Variants in GPR158 observed in about 807,000 individuals in gnomAD.
GPR158 encodes G protein-coupled receptor 158, also known as metabotropic glycine receptor.
A neutral mutation model predicts 78.2 loss-of-function variants in GPR158; 30 were observed. The ratio of observed to expected loss-of-function variants is 0.38; its 90% CI spans 0.29 to 0.52. The LOEUF (loss-of-function observed/expected upper bound fraction) is 0.52, where lower values mean the gene tolerates loss of function less well. Among genes scored for constraint, GPR158 ranks in the 20% least tolerant of loss-of-function variants. The probability of loss-of-function intolerance (pLI) is 0.83; values close to 1 mark genes in which losing one functional copy is unlikely to be tolerated. For missense variants in GPR158, 1,463 were observed against 1,523.5 expected, an observed-to-expected ratio of 0.96 and a Z score of 0.66; for synonymous variants, 581 against 591.1, an observed-to-expected ratio of 0.98 and a Z score of 0.25.
intron 2 of GPR158, among the ~76,000 whole-genome samples, chr10:25,395,117 A>G (rs997406175): frequency 6.6e-6 from 1 of 152,148 alleles, no homozygotes; most frequent in African/African-American, 2.4e-5. Context: ...TAAATGTAGC[A>G]AAAATGAAGT....
chr10:25,382,842 A>AT (rs1417355662), intron 2 of GPR158, among the ~76,000 whole-genome samples: 4 of 151,714 alleles, frequency 2.6e-5, no homozygotes, highest in African/African-American at 7.3e-5. Flanking sequence ...TTATTTATTT[A>AT]TTTTTTTGAG....
intron 1 of GPR158, among the ~76,000 whole-genome samples, chr10:25,189,039 A>G (rs1422567486): frequency 6.6e-6 from 1 of 152,254 alleles, no homozygotes; most frequent in African/African-American, 2.4e-5. Context: ...AAAAATGTTC[A>G]TCATCACTGG....
intron 2 of GPR158, among the ~76,000 whole-genome samples, chr10:25,296,779 A>G (rs1854521484): frequency 6.6e-6 from 1 of 152,224 alleles, no homozygotes; most frequent in African/African-American, 2.4e-5. Flanking sequence ...GGAAAGTGAC[A>G]CAGAGGGGCC....
chr10:25,479,183 T>C (rs78918204), intron 5 of GPR158, among the ~76,000 whole-genome samples: 9,848 of 152,194 alleles, frequency 0.065, 382 homozygotes, highest in South Asian at 0.15. Context: ...ATAAGCATTA[T>C]TGGTTCTAAA....
At chr10:25,319,731 A>G (rs886847444) in intron 2 of GPR158, among the ~76,000 whole-genome samples, 15 of 152,080 alleles carry the variant, frequency 9.9e-5, no homozygotes, top group Middle Eastern at 3.2e-3. Flanking sequence ...TTTATGTAAA[A>G]CACTGAGAGT....
At chr10:25,200,876 T>G (rs964743909) in intron 1 of GPR158, among the ~76,000 whole-genome samples, 4 of 150,568 alleles carry the variant, frequency 2.7e-5, no homozygotes, top group Non-Finnish European at 5.9e-5. Context: ...TTGTTTTTTT[T>G]TTTTTTTTTT....
At chr10:25,454,215 A>T (rs952416931) in intron 4 of GPR158, among the ~76,000 whole-genome samples, 5 of 35,062 alleles carry the variant, frequency 1.4e-4, no homozygotes, top group African/African-American at 6.7e-4. Flanking sequence ...TCTTTTTTAG[A>T]TAGTTTGTTG....
At chr10:25,381,460 T>C (rs1834154738) in intron 2 of GPR158, among the ~76,000 whole-genome samples, 1 of 152,086 alleles carries the variant, frequency 6.6e-6, no homozygotes, top group Admixed American at 6.6e-5. Context: ...ATGGCTGAGA[T>C]TTGTGCACAG....
intron 7 of GPR158, among the ~76,000 whole-genome samples, chr10:25,579,243 G>T (rs1396316641): frequency 6.7e-6 from 1 of 149,974 alleles, no homozygotes; most frequent in Admixed American, 6.7e-5. Context: ...CATTAAACTT[G>T]TCATATTAAA....
chr10:25,558,910 A>G (rs1263622418), intron 6 of GPR158, among the ~76,000 whole-genome samples: 2 of 152,226 alleles, frequency 1.3e-5, no homozygotes, highest in Non-Finnish European at 2.9e-5. Flanking sequence ...GAAGCCCAGA[A>G]TATGGTCTAT....
At chr10:25,455,939 C>A (rs1835285551) in intron 4 of GPR158, among the ~76,000 whole-genome samples, 1 of 152,064 alleles carries the variant, frequency 6.6e-6, no homozygotes, top group Admixed American at 6.6e-5. Flanking sequence ...TTATGATACC[C>A]ATTTGGCAGT....
At chr10:25,325,498 T>C (rs1480093927) in intron 2 of GPR158, among the ~76,000 whole-genome samples, 2 of 151,218 alleles carry the variant, frequency 1.3e-5, no homozygotes, top group Non-Finnish European at 2.9e-5. Context: ...CACACTACGT[T>C]TGCTTTATCC....
chr10:25,466,669 C>T lies in GPR158; in HGVS notation c.1354C>T (p.Leu452Phe). The T allele has an allele frequency of 6.2e-7, 1 of 1,606,714 alleles. No homozygotes were observed. The highest frequency in any genetic ancestry group is 8.5e-7 in the Non-Finnish European group (1 of 1,175,226). ...RKAKSIRASG[L>F]ILLETILFGS... ...TTTTCAGAGCATCCGGGCATCGGGC[C>T]TTATCCTGTTGGAAACGATCCTTTT... The change falls in exon 5 of 11, where the codon CTT becomes TTT. Residue 452 changes from leucine (L) to phenylalanine (F), a missense_variant. Transcript: ENST00000376351.
Position 25,363,034 on chromosome 10 carries a change from C to T in GPR158, c.1009-32877C>T, listed in dbSNP as rs1855664551. 1.3e-5 allele frequency among the ~76,000 whole-genome samples: 2 copies of T among 151,658 alleles called. 1 individual carries two copies. The highest frequency in any genetic ancestry group is 4.1e-4 in the South Asian group (2 of 4,822). On this transcript the variant is annotated intron_variant, in intron 2 of 10. Transcript: ENST00000376351. ...TTTTTTACATCATTTTTTTCTGCTA[C>T]CTCTTCCATTTGATTGTAGTCTCTT...
intron 5 of GPR158, chr10:25,476,070 G>C (rs1478581365): frequency 6.6e-6 from 1 of 152,078 alleles, no homozygotes; most frequent in African/African-American, 2.4e-5. Context: ...ACCAAAATCT[G>C]ACTAAATTTA....
At chr10:25,330,798 T>C (rs1377692241) in intron 2 of GPR158, among the ~76,000 whole-genome samples, 2 of 152,222 alleles carry the variant, frequency 1.3e-5, no homozygotes, top group Admixed American at 6.5e-5. Context: ...CCTAAGAGAA[T>C]CCAGTAGAGA....
intron 6 of GPR158, among the ~76,000 whole-genome samples, chr10:25,566,880 T>A (rs11014610): frequency 0.57 from 86,887 of 152,118 alleles, 26,845 homozygotes; most frequent in African/African-American, 0.82. Context: ...TCACCATTAA[T>A]AGCAGAATGA....
Position 25,406,321 on chromosome 10 carries a change from G to A in GPR158, c.1112-5929G>A, listed in dbSNP as rs143861803. Among the ~76,000 whole-genome samples, 824 of 152,224 alleles carry A rather than the reference G, an allele frequency of 5.4e-3. 11 individuals are homozygous for A. The highest frequency in any genetic ancestry group is 0.019 in the African/African-American group (796 of 41,550). ...TGGAAAGTCAGATCTGAAGGGCATTGTATACAGTTTTTAGAGGGATCCCAG... is the reference window on the plus strand; with the variant it reads ...TGGAAAGTCAGATCTGAAGGGCATTATATACAGTTTTTAGAGGGATCCCAG... On this transcript the variant is annotated intron_variant, in intron 3 of 10. Coordinates refer to ENST00000376351, the MANE Select transcript of GPR158 (RefSeq NM_020752.3).
intron 2 of GPR158, among the ~76,000 whole-genome samples, chr10:25,250,286 G>T (rs1853775209): frequency 8.4e-6 from 1 of 119,036 alleles, no homozygotes; most frequent in Non-Finnish European, 1.7e-5. Flanking sequence ...TTGATTTTTT[G>T]AAGGGTTTTT....
Sources: allele counts gnomAD v4.1 joint callset (sites outside exome capture counted in the v4.1 genomes callset), GRCh38; gene constraint gnomAD v4.1.1; transcripts MANE v1.5; gene names NCBI Gene and HGNC (gene_info 2026-07-23, HGNC 2026-07-21).